Variants in APPL2 observed in about 807,000 individuals in gnomAD.
APPL2 encodes the protein DCC-interacting protein 13-beta.
APPL2 carries 84 observed loss-of-function variants against 92.7 expected under a neutral mutation model. That is an observed-to-expected ratio of 0.91 (90% CI 0.76 to 1.09). APPL2 has a LOEUF of 1.09. Among genes scored for constraint, APPL2 ranks in the 50% least tolerant of loss-of-function variants. The pLI is 0.00. For missense variants in APPL2, 736 were observed against 824.5 expected (o/e 0.89, Z 1.31); for synonymous variants, 291 against 291.0 (o/e 1.00, Z 0.00).
chr12:105,174,607 G>A (rs1566042080), intron 20 of APPL2, among the ~76,000 whole-genome samples, 159 bp from the exon 21 acceptor site: 1 of 152,206 alleles, frequency 6.6e-6, no homozygotes, highest in African/African-American at 2.4e-5. Context: ...TCAAACTCAG[G>A]CATGTCACTT....
At position 105,175,970 on chromosome 12, in the gene APPL2, C is replaced by T. The variant is rs529365416; in HGVS notation, c.1860+65G>A. ...AACATCACTTTTCTTTTTGAAAAGA[C>T]TCTTGGTATGTGTACACAGATGTGT... is the stretch of plus-strand genomic sequence containing the variant. On this transcript the variant is annotated intron_variant, in intron 20 of 20. Transcript: ENST00000258530. 2.1e-6 allele frequency: 3 copies of T among 1,415,212 alleles called. No individual in the cohort carries two copies. In the African/African-American group the frequency reaches 4.5e-5, roughly 21 times the overall value. 87.7% of individuals were successfully genotyped at this position (1,415,212 alleles called of 1,614,324 possible).
chr12:105,228,219 G>C (rs141628382), intron 2 of APPL2, among the ~76,000 whole-genome samples: 70 of 152,340 alleles, frequency 4.6e-4, no homozygotes, highest in Admixed American at 2.6e-3. Flanking sequence ...TGAAATGCTT[G>C]GGACCAGAAG....
At chr12:105,225,485 T>A (rs1462559731) in intron 2 of APPL2, among the ~76,000 whole-genome samples, 2 of 152,224 alleles carry the variant, frequency 1.3e-5, no homozygotes, top group Non-Finnish European at 2.9e-5. Context: ...AAAATAAATA[T>A]TAAATGTGTT....
intron 17 of APPL2, among the ~76,000 whole-genome samples, chr12:105,183,575 A>G (rs1272561187): frequency 6.6e-6 from 1 of 152,200 alleles, no homozygotes; most frequent in Non-Finnish European, 1.5e-5. Flanking sequence ...AAGAATGTTA[A>G]ATGTGTGCCC....
intron 17 of APPL2, among the ~76,000 whole-genome samples, chr12:105,181,013 TGA>T (rs1268925146): frequency 6.6e-6 from 1 of 152,222 alleles, no homozygotes; most frequent in Non-Finnish European, 1.5e-5. Flanking sequence ...ATAGGAGTGG[TGA>T]GAGAGGGCAT....
Position 105,203,639 on chromosome 12 carries a change from C to T in APPL2, c.704+64G>A, listed in dbSNP as rs905808810. 5 of 1,499,556 alleles carry T rather than the reference C, an allele frequency of 3.3e-6. No homozygotes were observed. The East Asian group carries it at 1.1e-4, about 34-fold the overall frequency. 92.9% of individuals were successfully genotyped at this position (1,499,556 alleles called of 1,614,324 possible). A position where few individuals can be genotyped will look rare whatever the true frequency, so the allele number is the denominator to read the frequency against. On this transcript the variant is annotated intron_variant, in intron 9 of 20. Transcript: ENST00000258530. ...AGTTAGAACCCTCCCCGTGACCTCC[C>T]AGAGATGTCAGATCAGCATGAAAGG...
At chr12:105,187,987 C>G (rs1435200555) in intron 17 of APPL2, among the ~76,000 whole-genome samples, 1 of 149,960 alleles carries the variant, frequency 6.7e-6, no homozygotes, top group Non-Finnish European at 1.5e-5. Context: ...AAAAGCAAAA[C>G]CAAAAAACTT....
chr12:105,174,235 G>T lies in APPL2; in HGVS notation c.*79C>A, dbSNP rs114201932. On this transcript the variant is annotated 3_prime_UTR_variant, in exon 21 of 21. Coordinates refer to ENST00000258530, the MANE Select transcript of APPL2 (RefSeq NM_018171.5). ...CAGCCTTCGGAAATCAGGTCAGTGT[G>T]CCTGTATGTCAGAGACGTTAAAACC... 1,203 of 1,520,612 alleles carry T rather than the reference G, an allele frequency of 7.9e-4. 12 individuals are homozygous for T. The African/African-American group carries it at 0.015, about 19-fold the overall frequency. The allele number at this position is 1,520,612 out of a possible 1,614,324, so 94.2% of individuals were successfully genotyped here. A position where few individuals can be genotyped will look rare whatever the true frequency, so the allele number is the denominator to read the frequency against.
intron 2 of APPL2, among the ~76,000 whole-genome samples, chr12:105,223,186 T>G (rs1043648351): frequency 1.3e-5 from 2 of 151,666 alleles, no homozygotes; most frequent in African/African-American, 4.9e-5. Context: ...GGAGGAAGAA[T>G]GAAAAGGGGA....
intron 9 of APPL2, among the ~76,000 whole-genome samples, chr12:105,201,923 AT>A (rs1888243936): frequency 6.6e-6 from 1 of 152,084 alleles, no homozygotes; most frequent in African/African-American, 2.4e-5. Context: ...CTGTGGCATC[AT>A]CCCCCGGGGA....
At chr12:105,211,450 G>A in intron 4 of APPL2, 133 bp from the exon 5 acceptor site, 1 of 634,430 alleles carries the variant, frequency 1.6e-6, no homozygotes, top group South Asian at 1.9e-5. Flanking sequence ...CAGCAAGTAA[G>A]TACCCTTCAT....
intron 8 of APPL2, among the ~76,000 whole-genome samples, chr12:105,206,500 T>C (rs1263749815): frequency 6.6e-6 from 1 of 152,156 alleles, no homozygotes; most frequent in Admixed American, 6.6e-5. Context: ...CTCCCCATCC[T>C]CAAAGTAGAG....
chr12:105,198,590 G>A (rs913870294), intron 10 of APPL2, among the ~76,000 whole-genome samples: 1 of 152,140 alleles, frequency 6.6e-6, no homozygotes, highest in Non-Finnish European at 1.5e-5. Flanking sequence ...ACCCTCCACT[G>A]GGGGTTATCA....
At chr12:105,235,105 G>A (rs1005769004) in intron 1 of APPL2, among the ~76,000 whole-genome samples, 53 of 152,176 alleles carry the variant, frequency 3.5e-4, no homozygotes, top group African/African-American at 1.2e-3. Context: ...CAAGAGTTGA[G>A]ACACTAGGAA....
chr12:105,226,162 T>C (rs1026285719), intron 2 of APPL2, among the ~76,000 whole-genome samples: 5 of 152,126 alleles, frequency 3.3e-5, no homozygotes, highest in African/African-American at 1.2e-4. Context: ...TTAAAATATA[T>C]ATATGAAAAC....
intron 10 of APPL2, among the ~76,000 whole-genome samples, chr12:105,198,808 T>C (rs1887887406): frequency 6.6e-6 from 1 of 152,246 alleles, no homozygotes; most frequent in Admixed American, 6.5e-5. Flanking sequence ...TCAGCCCAGC[T>C]GGGATGTCTG....
intron 14 of APPL2, 113 bp downstream of exon 14, chr12:105,195,148 A>T: frequency 9.5e-7 from 1 of 1,052,336 alleles, no homozygotes; most frequent in Non-Finnish European, 1.4e-6. Flanking sequence ...TGCTTCTGTT[A>T]AACAGGCTGA....
intron 4 of APPL2, among the ~76,000 whole-genome samples, chr12:105,213,776 G>A (rs972122329): frequency 4.6e-5 from 7 of 152,194 alleles, no homozygotes; most frequent in African/African-American, 1.7e-4. Flanking sequence ...CCTCTTCCCA[G>A]ATTTAGGCCC....
intron 4 of APPL2, among the ~76,000 whole-genome samples, chr12:105,216,221 C>G (rs1889677187): frequency 6.6e-6 from 1 of 151,658 alleles, no homozygotes; most frequent in Non-Finnish European, 1.5e-5. Context: ...TGTATTAAAC[C>G]CTTTGTAGTA....
Sources: gnomAD v4.1 joint callset for allele counts (sites outside exome capture counted in the v4.1 genomes callset) on GRCh38, gnomAD v4.1.1 for gene constraint, MANE v1.5 for transcripts, NCBI Gene and HGNC (gene_info 2026-07-23, HGNC 2026-07-21) for gene names.